ZC3H12B: variants seen among roughly 807,000 people sequenced by gnomAD.
ZC3H12B encodes the protein zinc finger CCCH-type containing 12B.
In ZC3H12B, 7 loss-of-function variants were observed where a neutral mutation model predicts 43.9. The observed-to-expected ratio is 0.16, with a 90% CI of 0.09 to 0.30. The LOEUF (loss-of-function observed/expected upper bound fraction) is 0.30. Ranked by LOEUF, ZC3H12B falls within the 10% of genes least tolerant of loss-of-function variation. The pLI, the probability that ZC3H12B is intolerant of heterozygous loss-of-function variation, is 1.00. For missense variants in ZC3H12B, 475 were observed against 670.2 expected (o/e 0.71, Z 3.22); for synonymous variants, 222 against 241.7 (o/e 0.92, Z 0.76).
chrX:65,082,395 G>T, the ZC3H12B span, among the ~76,000 whole-genome samples: 3 of 111,568 alleles, frequency 2.7e-5, no homozygotes, highest in Non-Finnish European at 5.7e-5. Flanking sequence ...AAAAAGGAGA[G>T]AAGATACTAA....
intron 3 of ZC3H12B, among the ~76,000 whole-genome samples, chrX:65,459,142 T>C (rs926078951): frequency 9.0e-6 from 1 of 111,580 alleles, no homozygotes; most frequent in East Asian, 2.8e-4. Context: ...ACATACACTC[T>C]CCCAAGACTA....
chrX:65,066,098 C>A, the ZC3H12B span, among the ~76,000 whole-genome samples: 2 of 109,316 alleles, frequency 1.8e-5, no homozygotes, highest in African/African-American at 6.7e-5. Flanking sequence ...TGCTCCTCGC[C>A]TTGGAGGAGT....
the ZC3H12B span, among the ~76,000 whole-genome samples, chrX:65,216,828 G>A: frequency 8.9e-6 from 1 of 112,083 alleles, no homozygotes; most frequent in African/African-American, 3.2e-5. Flanking sequence ...TCCTTTGTAT[G>A]GTATTTCTAG....
chrX:65,452,953 A>G (rs1410909876), intron 3 of ZC3H12B, among the ~76,000 whole-genome samples: 2 of 110,482 alleles, frequency 1.8e-5, no homozygotes, highest in Non-Finnish European at 3.8e-5. Flanking sequence ...AATTCAATGC[A>G]GTTCCCATCA....
chrX:65,110,707 G>C, the ZC3H12B span, among the ~76,000 whole-genome samples: 4 of 111,233 alleles, frequency 3.6e-5, no homozygotes, highest in Admixed American at 3.8e-4. Flanking sequence ...TGTTTTAACT[G>C]TTTTAGTTTC....
the ZC3H12B span, among the ~76,000 whole-genome samples, chrX:65,035,874 A>G: frequency 8.9e-6 from 1 of 112,524 alleles, no homozygotes; most frequent in Non-Finnish European, 1.9e-5. Flanking sequence ...TTTGACTTCT[A>G]AAGTGCTATC....
intron 3 of ZC3H12B, among the ~76,000 whole-genome samples, chrX:65,441,391 C>G (rs1225402238): frequency 8.9e-6 from 1 of 111,974 alleles, no homozygotes; most frequent in African/African-American, 3.2e-5. Flanking sequence ...ATCTACCAAA[C>G]CTTTAAATTT....
chrX:65,199,172 AT>A, the ZC3H12B span, among the ~76,000 whole-genome samples: 150 of 104,030 alleles, frequency 1.4e-3, 1 homozygote, highest in East Asian at 7.7e-3. Context: ...GTTTTTTATT[AT>A]TTTTTTTTCT....
chrX:65,248,135 C>T, the ZC3H12B span, among the ~76,000 whole-genome samples: 1 of 110,484 alleles, frequency 9.1e-6, no homozygotes, highest in African/African-American at 3.3e-5. Context: ...CTCTCGATTT[C>T]GAGCGATTCT....
intron 3 of ZC3H12B, among the ~76,000 whole-genome samples, chrX:65,421,249 C>T (rs957818507): frequency 4.5e-5 from 5 of 112,217 alleles, no homozygotes; most frequent in Admixed American, 9.4e-5. Flanking sequence ...CAGTCAGCCT[C>T]TTAACCACTT....
At chrX:65,088,494 T>TA in the ZC3H12B span, among the ~76,000 whole-genome samples, 1 of 111,532 alleles carries the variant, frequency 9.0e-6, no homozygotes, top group African/African-American at 3.3e-5. Flanking sequence ...CCATGGATGG[T>TA]AAAAAATACT....
the ZC3H12B span, among the ~76,000 whole-genome samples, chrX:65,180,589 C>CA: frequency 9.0e-6 from 1 of 111,319 alleles, no homozygotes; most frequent in Non-Finnish European, 1.9e-5. Context: ...AATCAATGTG[C>CA]AAAAATCACA....
chrX:65,261,348 A>C, the ZC3H12B span, among the ~76,000 whole-genome samples: 1 of 111,825 alleles, frequency 8.9e-6, no homozygotes, highest in African/African-American at 3.2e-5. Context: ...CAACAATTTC[A>C]ATTTGTATGT....
chrX:65,252,450 G>C, the ZC3H12B span, among the ~76,000 whole-genome samples: 13 of 111,724 alleles, frequency 1.2e-4, no homozygotes, highest in African/African-American at 4.2e-4. Flanking sequence ...CATTTTATCT[G>C]TATTAAAAAA....
At chrX:65,398,744 T>G (rs1283370716) in intron 3 of ZC3H12B, 40 bp downstream of exon 5, 1 of 111,918 alleles carries the variant, frequency 8.9e-6, no homozygotes, top group East Asian at 2.8e-4. Flanking sequence ...AATTACCCAT[T>G]TTTAAGTTAG....
chrX:65,300,416 A>G, the ZC3H12B span, among the ~76,000 whole-genome samples: 2 of 111,383 alleles, frequency 1.8e-5, no homozygotes, highest in Non-Finnish European at 3.8e-5. Flanking sequence ...GACGACCTGT[A>G]TGACATAACA....
At chrX:65,097,093 G>A in the ZC3H12B span, among the ~76,000 whole-genome samples, 2 of 111,897 alleles carry the variant, frequency 1.8e-5, no homozygotes, top group Non-Finnish European at 3.8e-5. Context: ...GACAAAAGTG[G>A]AGCCTTTACT....
At chrX:65,059,324 A>C in the ZC3H12B span, among the ~76,000 whole-genome samples, 1 of 107,610 alleles carries the variant, frequency 9.3e-6, no homozygotes, top group African/African-American at 3.4e-5. Context: ...GATTTTCCCC[A>C]ATGTTTTATT....
chrX:65,068,804 T>A, the ZC3H12B span, among the ~76,000 whole-genome samples: 1 of 111,852 alleles, frequency 8.9e-6, no homozygotes, highest in African/African-American at 3.2e-5. Flanking sequence ...TTGGAGAATG[T>A]CTTGTATTGA....
Sources: allele counts gnomAD v4.1 joint callset (sites outside exome capture counted in the v4.1 genomes callset), GRCh38; gene constraint gnomAD v4.1.1; transcripts MANE v1.5; gene names NCBI Gene and HGNC (gene_info 2026-07-23, HGNC 2026-07-21).